The following GTF2E2 variants were observed in gnomAD, a reference collection of about 807,000 sequenced individuals.
GTF2E2 encodes the protein general transcription factor IIE subunit 2.
In GTF2E2, 21 loss-of-function variants were observed where a neutral mutation model predicts 40.5. The observed-to-expected ratio is 0.52, with a 90% CI of 0.37 to 0.75. GTF2E2 has a LOEUF of 0.75. GTF2E2 is among the 30% of genes least tolerant of loss of function. The pLI is 0.00. For synonymous variants in GTF2E2, 117 were observed against 121.6 expected (o/e 0.96, Z 0.25); for missense variants, 298 against 338.4 (o/e 0.88, Z 0.94).
rs1801287035 is a variant in GTF2E2 at position 30,626,702 on chromosome 8, A to G, written c.258+8330T>C. Reference sequence around the variant, plus strand: ...CTAATAAGGCAAGTAATAAAGAACTATAATCTTCTGGGTCATTTTACTGCA... The same window carrying G: ...CTAATAAGGCAAGTAATAAAGAACTGTAATCTTCTGGGTCATTTTACTGCA... On this transcript the variant is annotated intron_variant, in intron 3 of 7. Coordinates refer to ENST00000355904, the MANE Select transcript of GTF2E2 (RefSeq NM_002095.6). Among the ~76,000 whole-genome samples the G allele has an allele frequency of 2.0e-5, 3 of 152,214 alleles. No individual in the cohort carries two copies. The South Asian group carries it at 6.2e-4, about 31-fold the overall frequency.
chr8:30,595,468 G>A (rs1390789602), intron 6 of GTF2E2, among the ~76,000 whole-genome samples: 1 of 152,142 alleles, frequency 6.6e-6, no homozygotes, highest in African/African-American at 2.4e-5. Context: ...TTCCAGTAGT[G>A]CAGGTCTGAT....
intron 6 of GTF2E2, among the ~76,000 whole-genome samples, chr8:30,594,319 G>A (rs1268470344): frequency 1.3e-5 from 2 of 151,426 alleles, no homozygotes; most frequent in South Asian, 2.1e-4. Context: ...ATGCAATGGC[G>A]CGATCTCAGC....
chr8:30,606,009 A>T (rs559027101), intron 6 of GTF2E2, among the ~76,000 whole-genome samples: 1 of 152,354 alleles, frequency 6.6e-6, no homozygotes, highest in African/African-American at 2.4e-5. Flanking sequence ...TAAAGGCAAC[A>T]TTGCAAGTAA....
chr8:30,618,154 G>T (rs1378833239), intron 3 of GTF2E2, among the ~76,000 whole-genome samples: 1 of 151,622 alleles, frequency 6.6e-6, no homozygotes, highest in Non-Finnish European at 1.5e-5. Context: ...AAAATTAGCC[G>T]AACATGGTGG....
chr8:30,639,767 G>GA (rs1563504062), intron 2 of GTF2E2, among the ~76,000 whole-genome samples: 1 of 147,458 alleles, frequency 6.8e-6, no homozygotes, highest in Non-Finnish European at 1.5e-5. Context: ...AAGGGTTTTT[G>GA]TTTTTTTTTT....
chr8:30,580,429 C>T lies in GTF2E2; in HGVS notation c.644-33G>A, dbSNP rs1828485615. 3.4e-6 allele frequency: 4 copies of T among 1,172,220 alleles called. No homozygotes were observed. In the East Asian group the frequency reaches 7.0e-5, roughly 21 times the overall value. The allele number at this position is 1,172,220 out of a possible 1,614,324, so 72.6% of individuals were successfully genotyped here. ...AAACAGACACTAGTTATTTTACAAT[C>T]CATTTTTACAAACTATAGCATCTTG... On this transcript the variant is annotated intron_variant, in intron 6 of 7. Coordinates refer to ENST00000355904, the MANE Select transcript of GTF2E2 (RefSeq NM_002095.6).
At chr8:30,604,057 T>C (rs1323874480) in intron 6 of GTF2E2, among the ~76,000 whole-genome samples, 1 of 152,118 alleles carries the variant, frequency 6.6e-6, no homozygotes, top group Admixed American at 6.5e-5. Context: ...GCCAGATACA[T>C]TCATGGGTAT....
intron 6 of GTF2E2, among the ~76,000 whole-genome samples, chr8:30,595,056 C>T (rs1405968673): frequency 6.6e-6 from 1 of 152,130 alleles, no homozygotes; most frequent in African/African-American, 2.4e-5. Context: ...TAGCTGGATA[C>T]ATTTGTATGA....
intron 3 of GTF2E2, among the ~76,000 whole-genome samples, chr8:30,627,804 C>T (rs1319506175): frequency 6.6e-6 from 1 of 152,206 alleles, no homozygotes. Context: ...AACACTGAAG[C>T]TGAAAGCTGA....
chr8:30,626,819 T>C (rs1023611734), intron 3 of GTF2E2, among the ~76,000 whole-genome samples: 2 of 152,212 alleles, frequency 1.3e-5, no homozygotes, highest in Non-Finnish European at 2.9e-5. Context: ...AAGAGTCCTA[T>C]TCCATTGTGC....
intron 2 of GTF2E2, chr8:30,644,422 T>G (rs373548837): frequency 6.6e-6 from 1 of 152,228 alleles, no homozygotes; most frequent in Non-Finnish European, 1.5e-5. Context: ...CACTCTAACC[T>G]AAAATTTTAT....
At chr8:30,580,682 C>A (rs1227180029) in intron 6 of GTF2E2, among the ~76,000 whole-genome samples, 1 of 152,178 alleles carries the variant, frequency 6.6e-6, no homozygotes, top group African/African-American at 2.4e-5. Flanking sequence ...CGTCAACACC[C>A]TCCTTTAATT....
chr8:30,620,832 G>C (rs1017218629), intron 3 of GTF2E2, among the ~76,000 whole-genome samples: 1 of 151,908 alleles, frequency 6.6e-6, no homozygotes, highest in African/African-American at 2.4e-5. Flanking sequence ...AAGAGGCTGA[G>C]GCAGGAGAAT....
chr8:30,643,363 A>G (rs1309951709), intron 2 of GTF2E2: 4 of 152,250 alleles, frequency 2.6e-5, no homozygotes, highest in African/African-American at 4.8e-5. Context: ...AAGTTGCATT[A>G]TAAGTACATG....
At chr8:30,647,736 AACTGAGC>A (rs1398439772) in intron 2 of GTF2E2, among the ~76,000 whole-genome samples, 5 of 152,270 alleles carry the variant, frequency 3.3e-5, no homozygotes, top group African/African-American at 1.2e-4. Context: ...GGAAACCAGG[AACTGAGC>A]ACTGTTAAAA....
intron 6 of GTF2E2, among the ~76,000 whole-genome samples, chr8:30,600,188 T>A (rs892571727): frequency 3.3e-5 from 5 of 152,138 alleles, no homozygotes; most frequent in Non-Finnish European, 7.3e-5. Flanking sequence ...ATAACGTAAC[T>A]GCAAAAAATC....
At chr8:30,613,903 T>C (rs1242083206) in intron 4 of GTF2E2, among the ~76,000 whole-genome samples, 1 of 152,250 alleles carries the variant, frequency 6.6e-6, no homozygotes, top group Admixed American at 6.5e-5. Context: ...CTTCAAATGA[T>C]GTGTGTTCAT....
In GTF2E2 at chr8:30,653,439, TTTG is replaced by T; in HGVS notation, c.157_159del (p.Gln53del). On this transcript the variant is annotated inframe_deletion, in exon 2 of 8. Transcript: ENST00000355904. Reference sequence around the variant, plus strand: ...CCTAAACAATTTTACTAACCAGAATTTTGTTTAGAGCCTGACGATCCTCCATGT... The same window carrying T: ...CCTAAACAATTTTACTAACCAGAATTTTTAGAGCCTGACGATCCTCCATGT... 6.2e-7 allele frequency: 1 copy of T among 1,610,968 alleles called. No homozygotes were observed. Among genetic ancestry groups the T allele is most frequent in the Non-Finnish European group, 8.5e-7 (1 of 1,178,506 alleles).
intron 3 of GTF2E2, among the ~76,000 whole-genome samples, chr8:30,625,711 G>A (rs1801252377): frequency 6.6e-6 from 1 of 152,150 alleles, no homozygotes; most frequent in South Asian, 2.1e-4. Flanking sequence ...CGATTCCTGT[G>A]CCTCAGCCTC....
Sources: gnomAD v4.1 joint callset for allele counts (sites outside exome capture counted in the v4.1 genomes callset) on GRCh38, gnomAD v4.1.1 for gene constraint, MANE v1.5 for transcripts, NCBI Gene and HGNC (gene_info 2026-07-23, HGNC 2026-07-21) for gene names.